The following TENM1 variants were observed in gnomAD, a reference collection of about 807,000 sequenced individuals.
TENM1 encodes the protein teneurin-1.
TENM1 carries 35 observed loss-of-function variants against 174.8 expected under a neutral mutation model. The observed-to-expected ratio is 0.20, with a 90% confidence interval of 0.15 to 0.27. The LOEUF (loss-of-function observed/expected upper bound fraction) is 0.27. TENM1 is among the 10% of genes least tolerant of loss of function. The pLI is 1.00. For synonymous variants in TENM1, 781 were observed against 798.7 expected (o/e 0.98, Z 0.37); for missense variants, 1,633 against 2,130.1 (o/e 0.77, Z 4.59).
chrX:125,077,536 G>A, the TENM1 span, among the ~76,000 whole-genome samples: 1 of 111,516 alleles, frequency 9.0e-6, no homozygotes, highest in Non-Finnish European at 1.9e-5. Flanking sequence ...CCAGGTGACT[G>A]AATCAATATA....
chrX:124,398,986 G>A (rs2060369713), intron 27 of TENM1, among the ~76,000 whole-genome samples: 1 of 112,232 alleles, frequency 8.9e-6, no homozygotes, highest in African/African-American at 3.2e-5. Context: ...ACTCTTATCC[G>A]ACTACCCACT....
chrX:124,760,196 G>GA (rs1556303172), intron 3 of TENM1, among the ~76,000 whole-genome samples: 1 of 111,048 alleles, frequency 9.0e-6, no homozygotes, highest in Admixed American at 9.6e-5. Context: ...ACTTTGCTGA[G>GA]TTTTTTTTCC....
the TENM1 span, among the ~76,000 whole-genome samples, chrX:124,985,058 C>T: frequency 3.6e-5 from 4 of 111,904 alleles, no homozygotes; most frequent in African/African-American, 1.3e-4. Context: ...ACCCTTTCGT[C>T]GTCAACAAAG....
At chrX:125,025,446 G>A in the TENM1 span, among the ~76,000 whole-genome samples, 1 of 111,487 alleles carries the variant, frequency 9.0e-6, no homozygotes, top group African/African-American at 3.3e-5. Flanking sequence ...AATATAGCTC[G>A]GTTCAAAGAC....
At chrX:124,733,782 C>T (rs2053613550) in intron 4 of TENM1, among the ~76,000 whole-genome samples, 1 of 112,175 alleles carries the variant, frequency 8.9e-6, no homozygotes, top group South Asian at 3.7e-4. Flanking sequence ...GAAACTGAGA[C>T]CAATTAATAT....
chrX:124,801,695 T>C (rs1569449358), intron 3 of TENM1, among the ~76,000 whole-genome samples: 2 of 111,829 alleles, frequency 1.8e-5, no homozygotes, highest in South Asian at 3.8e-4. Flanking sequence ...GGCCTTTATA[T>C]TTTGGTGTGT....
At chrX:125,202,562 AC>A in the TENM1 span, among the ~76,000 whole-genome samples, 1 of 111,200 alleles carries the variant, frequency 9.0e-6, no homozygotes, top group African/African-American at 3.3e-5. Context: ...GAGCTTTTCT[AC>A]CCCTATTAGC....
chrX:125,164,993 G>A, the TENM1 span, among the ~76,000 whole-genome samples: 2 of 111,811 alleles, frequency 1.8e-5, no homozygotes, highest in Non-Finnish European at 3.8e-5. Flanking sequence ...AAAACATCCA[G>A]AAGGACAAAG....
chrX:125,175,414 TC>T, the TENM1 span, among the ~76,000 whole-genome samples: 4 of 111,358 alleles, frequency 3.6e-5, no homozygotes, highest in Admixed American at 1.9e-4. Context: ...TTTAGTCTTA[TC>T]CAAAAAATAT....
chrX:124,992,968 C>T, the TENM1 span, among the ~76,000 whole-genome samples: 1 of 110,913 alleles, frequency 9.0e-6, no homozygotes, highest in Non-Finnish European at 1.9e-5. Flanking sequence ...AAAGCTCTCC[C>T]TTGGTCTCTA....
At chrX:124,994,448 C>T in the TENM1 span, among the ~76,000 whole-genome samples, 1 of 109,707 alleles carries the variant, frequency 9.1e-6, no homozygotes, top group Non-Finnish European at 1.9e-5. Flanking sequence ...TTGTCCTTAT[C>T]TTATAGATTA....
chrX:124,808,234 G>GA (rs1405016050), intron 3 of TENM1, among the ~76,000 whole-genome samples: 1 of 111,833 alleles, frequency 8.9e-6, no homozygotes, highest in Non-Finnish European at 1.9e-5. Context: ...AATAGACAAA[G>GA]AAGATCATTA....
the TENM1 span, among the ~76,000 whole-genome samples, chrX:125,158,449 A>G: frequency 9.4e-6 from 1 of 106,477 alleles, no homozygotes; most frequent in Non-Finnish European, 1.9e-5. Flanking sequence ...TGAGTCAATC[A>G]TGGTCCTTCC....
intron 1 of TENM1, among the ~76,000 whole-genome samples, chrX:124,918,122 G>A (rs189402274): frequency 1.1e-3 from 119 of 111,382 alleles, no homozygotes; most frequent in Non-Finnish European, 1.6e-3. Context: ...TATTTCTGGA[G>A]TACAGGAATT....
intron 11 of TENM1, among the ~76,000 whole-genome samples, chrX:124,578,606 A>G (rs2049227741): frequency 8.9e-6 from 1 of 112,111 alleles, no homozygotes; most frequent in Non-Finnish European, 1.9e-5. Context: ...TGGGTACATA[A>G]GTATTACATA....
intron 4 of TENM1, among the ~76,000 whole-genome samples, chrX:124,723,591 G>GT (rs1280230529): frequency 3.8e-3 from 330 of 86,523 alleles, no homozygotes; most frequent in African/African-American, 8.5e-3. Flanking sequence ...TATCTGGTGG[G>GT]TTTTTTTTTT....
chrX:124,986,142 T>A, the TENM1 span, among the ~76,000 whole-genome samples: 1 of 111,828 alleles, frequency 8.9e-6, no homozygotes, highest in East Asian at 2.8e-4. Context: ...CTATTTTCTG[T>A]ATTCCCTCAT....
At chrX:125,090,165 C>G in the TENM1 span, among the ~76,000 whole-genome samples, 15 of 111,669 alleles carry the variant, frequency 1.3e-4, no homozygotes, top group African/African-American at 4.6e-4. Flanking sequence ...AAATGAAACC[C>G]GAGCTGCTTA....
At chrX:125,195,667 T>G in the TENM1 span, among the ~76,000 whole-genome samples, 2 of 111,579 alleles carry the variant, frequency 1.8e-5, no homozygotes, top group Non-Finnish European at 3.8e-5. Context: ...ATATCACAAA[T>G]GTACTAGCAG....
Sources: allele counts gnomAD v4.1 joint callset (sites outside exome capture counted in the v4.1 genomes callset), GRCh38; gene constraint gnomAD v4.1.1; transcripts MANE v1.5; gene names NCBI Gene and HGNC (gene_info 2026-07-23, HGNC 2026-07-21).